Variants in ATP9B observed in about 807,000 individuals in gnomAD.
ATP9B encodes probable phospholipid-transporting ATPase IIB.
Under a neutral mutation model 146.1 loss-of-function variants are expected in ATP9B, and 110 were observed. The ratio of observed to expected loss-of-function variants is 0.75; its 90% CI spans 0.65 to 0.88. The LOEUF (loss-of-function observed/expected upper bound fraction) is 0.88, where lower values mean the gene tolerates loss of function less well. Among genes scored for constraint, ATP9B ranks in the 40% least tolerant of loss-of-function variants. The probability of loss-of-function intolerance (pLI) is 0.00; values close to 1 mark genes in which losing one functional copy is unlikely to be tolerated. For missense variants in ATP9B, 1,499 were observed against 1,496.4 expected (o/e 1.00, Z -0.03); for synonymous variants, 604 against 569.7 (o/e 1.06, Z -0.86).
rs537935951 is a variant in ATP9B, at chr18:79,377,617, T to A, written c.*234T>A. ...CACAGATGCCAGGATGGCTTCTCCCTCTCAGTGCGAGGCTTCACCCCTGCC... is the reference window on the plus strand; with the variant it reads ...CACAGATGCCAGGATGGCTTCTCCCACTCAGTGCGAGGCTTCACCCCTGCC... On this transcript the variant is annotated 3_prime_UTR_variant, in exon 30 of 30. Coordinates refer to ENST00000426216, the MANE Select transcript of ATP9B (RefSeq NM_198531.5). 1 of 566,892 alleles carries A rather than the reference T, an allele frequency of 1.8e-6. No individual in the cohort carries two copies. Among genetic ancestry groups the A allele is most frequent in the South Asian group, 2.2e-5 (1 of 45,892 alleles). The allele number at this position is 566,892 out of a possible 1,614,324, so 35.1% of individuals were successfully genotyped here. A position where few individuals can be genotyped will look rare whatever the true frequency, so the allele number is the denominator to read the frequency against.
chr18:79,100,915 G>C (rs1423450212), intron 2 of ATP9B, among the ~76,000 whole-genome samples: 1 of 152,116 alleles, frequency 6.6e-6, no homozygotes, highest in African/African-American at 2.4e-5. Flanking sequence ...AACAGCCCAG[G>C]AAAGTCCCAC....
intron 12 of ATP9B, among the ~76,000 whole-genome samples, chr18:79,265,606 T>G (rs2096195071): frequency 6.6e-6 from 1 of 152,208 alleles, no homozygotes; most frequent in African/African-American, 2.4e-5. Context: ...TTGTCAGATC[T>G]GTAGTTTGCA....
intron 11 of ATP9B, among the ~76,000 whole-genome samples, chr18:79,230,111 A>G (rs1010962406): frequency 1.3e-5 from 2 of 152,238 alleles, no homozygotes; most frequent in African/African-American, 2.4e-5. Flanking sequence ...TTAAAATGAT[A>G]CAAGTAGTTC....
intron 6 of ATP9B, among the ~76,000 whole-genome samples, chr18:79,148,068 A>C (rs2094620794): frequency 6.6e-6 from 1 of 152,202 alleles, no homozygotes; most frequent in African/African-American, 2.4e-5. Context: ...TAAATAGAAG[A>C]AATGGACAAA....
chr18:79,237,965 C>T (rs937841875), intron 11 of ATP9B, among the ~76,000 whole-genome samples: 1 of 152,140 alleles, frequency 6.6e-6, no homozygotes, highest in Non-Finnish European at 1.5e-5. Context: ...ATTGGAATTA[C>T]AGATGTGAGC....
intron 4 of ATP9B, among the ~76,000 whole-genome samples, chr18:79,113,960 C>G (rs899096094): frequency 2.0e-5 from 3 of 152,082 alleles, no homozygotes; most frequent in African/African-American, 4.8e-5. Flanking sequence ...GAAAAATGTA[C>G]TTACTACTTC....
chr18:79,284,254 C>A (rs528225802), intron 13 of ATP9B, among the ~76,000 whole-genome samples: 1 of 152,232 alleles, frequency 6.6e-6, no homozygotes, highest in Admixed American at 6.5e-5. Context: ...ATGCTAATAA[C>A]CGGGTATTCA....
At chr18:79,100,189 T>C (rs1371399679) in intron 2 of ATP9B, among the ~76,000 whole-genome samples, 1 of 152,232 alleles carries the variant, frequency 6.6e-6, no homozygotes, top group Non-Finnish European at 1.5e-5. Flanking sequence ...GTTCATCATA[T>C]AGACAACTTG....
intron 12 of ATP9B, among the ~76,000 whole-genome samples, chr18:79,256,310 T>C (rs2096080889): frequency 7.4e-6 from 1 of 135,232 alleles, no homozygotes; most frequent in East Asian, 2.0e-4. Flanking sequence ...GGCTATGTTA[T>C]TAGTTGCCTA....
chr18:79,116,953 AAAAGAAAT>A (rs1478395156), intron 4 of ATP9B, among the ~76,000 whole-genome samples: 31 of 95,164 alleles, frequency 3.3e-4, no homozygotes, highest in Non-Finnish European at 5.5e-4. Flanking sequence ...AAAAAAAAAA[AAAAGAAAT>A]AATGATTGAT....
At chr18:79,369,101 C>A (rs1391648686) in intron 26 of ATP9B, among the ~76,000 whole-genome samples, 2 of 152,190 alleles carry the variant, frequency 1.3e-5, no homozygotes, top group Non-Finnish European at 2.9e-5. Context: ...CAAATAATTA[C>A]AATTATGGGA....
chr18:79,221,201 G>A (rs2095673189), intron 11 of ATP9B, among the ~76,000 whole-genome samples: 1 of 152,072 alleles, frequency 6.6e-6, no homozygotes, highest in Admixed American at 6.6e-5. Context: ...CTCCCTGTTG[G>A]TCTTCAGCCC....
chr18:79,091,755 A>T (rs2074336481), intron 1 of ATP9B, among the ~76,000 whole-genome samples: 1 of 152,174 alleles, frequency 6.6e-6, no homozygotes, highest in Non-Finnish European at 1.5e-5. Flanking sequence ...TCCAATTTGG[A>T]TTCCCCCTAT....
intron 1 of ATP9B, among the ~76,000 whole-genome samples, chr18:79,081,054 C>T (rs1466674820): frequency 6.6e-6 from 1 of 152,190 alleles, no homozygotes; most frequent in African/African-American, 2.4e-5. Context: ...CATTGATGTT[C>T]ATCAGGGATA....
intron 4 of ATP9B, among the ~76,000 whole-genome samples, chr18:79,123,827 TA>T (rs755538258): frequency 1.3e-5 from 2 of 152,078 alleles, no homozygotes; most frequent in Non-Finnish European, 2.9e-5. Flanking sequence ...ACTCAACAAC[TA>T]AACCTAGGAA....
chr18:79,273,744 G>C (rs927175601), intron 12 of ATP9B, among the ~76,000 whole-genome samples: 1 of 152,110 alleles, frequency 6.6e-6, no homozygotes, highest in Non-Finnish European at 1.5e-5. Context: ...TTAGGAAAAC[G>C]CACTTCAAAT....
intron 9 of ATP9B, among the ~76,000 whole-genome samples, chr18:79,198,682 GTATC>G (rs2095438909): frequency 6.6e-6 from 1 of 152,170 alleles, no homozygotes; most frequent in South Asian, 2.1e-4. Context: ...ACAATGATAA[GTATC>G]TGTGTATCTA....
At chr18:79,361,709 A>T in intron 26 of ATP9B, 1 of 935,030 alleles carries the variant, frequency 1.1e-6, no homozygotes, top group South Asian at 4.9e-5. Flanking sequence ...CTAAAGAACT[A>T]TTTTGAAGCT....
In ATP9B at chr18:79,242,142, G is replaced by A. The variant is rs972893909; in HGVS notation, c.1108-11239G>A. On this transcript the variant is annotated intron_variant, in intron 11 of 29. Transcript: ENST00000426216. ...AGGGTTATTAATTCGCTAAATCCAAGCGTTTTGTCTGTTTTATGATTTGTT... is the reference window on the plus strand; with the variant it reads ...AGGGTTATTAATTCGCTAAATCCAAACGTTTTGTCTGTTTTATGATTTGTT... Among the ~76,000 whole-genome samples, 3 of 152,202 alleles carry A rather than the reference G, an allele frequency of 2.0e-5. 1 individual carries two copies. The highest frequency in any genetic ancestry group is 7.2e-5 in the African/African-American group (3 of 41,438).
Sources: allele counts gnomAD v4.1 joint callset (sites outside exome capture counted in the v4.1 genomes callset), GRCh38; gene constraint gnomAD v4.1.1; transcripts MANE v1.5; gene names NCBI Gene and HGNC (gene_info 2026-07-23, HGNC 2026-07-21).